The following LRP1B variants were observed in gnomAD, a reference collection of about 807,000 sequenced individuals.
The protein encoded by LRP1B is LDL receptor related protein 1B.
Under a neutral mutation model 556.6 loss-of-function variants are expected in LRP1B, and 217 were observed. That is an observed-to-expected ratio of 0.39 (90% CI 0.35 to 0.44). LRP1B has a LOEUF of 0.44. Among genes scored for constraint, LRP1B ranks in the 20% least tolerant of loss-of-function variants. The pLI, the probability that LRP1B is intolerant of heterozygous loss-of-function variation, is 1.00. For missense variants in LRP1B, 5,053 were observed against 5,620.8 expected (o/e 0.90, Z 3.23); for synonymous variants, 2,047 against 1,865.8 (o/e 1.10, Z -2.50).
chr2:141,868,504 C>T (rs1226465116), intron 1 of LRP1B, among the ~76,000 whole-genome samples: 2 of 151,976 alleles, frequency 1.3e-5, no homozygotes, highest in East Asian at 1.9e-4. Context: ...TTGCCCATTG[C>T]GGTAACAGAC....
At chr2:141,716,284 C>A (rs1692582562) in intron 2 of LRP1B, among the ~76,000 whole-genome samples, 1 of 152,200 alleles carries the variant, frequency 6.6e-6, no homozygotes, top group African/African-American at 2.4e-5. Flanking sequence ...ACAGCCACAG[C>A]AGCAAAATTG....
At chr2:141,150,545 A>G (rs1007135936) in intron 7 of LRP1B, among the ~76,000 whole-genome samples, 2 of 152,212 alleles carry the variant, frequency 1.3e-5, no homozygotes, top group Non-Finnish European at 2.9e-5. Context: ...TCAGCAATTT[A>G]TAAGTCCAAT....
intron 7 of LRP1B, among the ~76,000 whole-genome samples, chr2:141,155,003 C>G (rs948320388): frequency 1.3e-5 from 2 of 151,782 alleles, no homozygotes; most frequent in Non-Finnish European, 2.9e-5. Context: ...CATTACTTTG[C>G]CTGTAGCAGT....
intron 1 of LRP1B, among the ~76,000 whole-genome samples, chr2:141,971,568 C>T (rs1483318851): frequency 6.6e-6 from 1 of 151,186 alleles, no homozygotes; most frequent in South Asian, 2.1e-4. Flanking sequence ...GTACGGGCAT[C>T]CAGAGGGATT....
rs1008160738 is a variant in LRP1B, at chr2:140,523,781, G to A, written c.8026+2063C>T. ...TCCCACTTACCATACGCAAAAGAAC[G>A]AAACTGGACTCCTACCTCTTATCAT... is the stretch of plus-strand genomic sequence containing the variant. On this transcript the variant is annotated intron_variant, in intron 49 of 90. Coordinates refer to ENST00000389484, the MANE Select transcript of LRP1B (RefSeq NM_018557.3). Among the ~76,000 whole-genome samples the A allele has an allele frequency of 3.3e-5, 5 of 151,928 alleles. No homozygotes were observed. The South Asian group carries it at 8.3e-4, about 25-fold the overall frequency.
chr2:140,325,222 G>A (rs1680412226), intron 80 of LRP1B, among the ~76,000 whole-genome samples: 1 of 152,016 alleles, frequency 6.6e-6, no homozygotes, highest in Admixed American at 6.6e-5. Flanking sequence ...TAAAAAATAG[G>A]AGCCAGGCAG....
intron 23 of LRP1B, among the ~76,000 whole-genome samples, chr2:140,887,729 A>C (rs1297450747): frequency 6.6e-6 from 1 of 152,210 alleles, no homozygotes; most frequent in Non-Finnish European, 1.5e-5. Context: ...CATCAATACA[A>C]AGAAAAGAAT....
chr2:140,454,557 T>C (rs6747180), intron 62 of LRP1B, among the ~76,000 whole-genome samples: 48,562 of 152,068 alleles, frequency 0.32, 8,262 homozygotes, highest in African/African-American at 0.35. Flanking sequence ...GATTTGTTTG[T>C]TCTGTCTTGC....
intron 55 of LRP1B, among the ~76,000 whole-genome samples, chr2:140,499,427 C>T (rs1462984156): frequency 6.6e-6 from 1 of 151,840 alleles, no homozygotes; most frequent in African/African-American, 2.4e-5. Context: ...AGAACAAACA[C>T]ACACACACAC....
At chr2:140,318,526 TTACC>T (rs1434812500) in intron 82 of LRP1B, among the ~76,000 whole-genome samples, 7 of 152,166 alleles carry the variant, frequency 4.6e-5, no homozygotes, top group African/African-American at 1.4e-4. Flanking sequence ...TTTCATTTTC[TTACC>T]TACCTCAAAG....
At chr2:140,886,862 A>G (rs1693653130) in intron 23 of LRP1B, among the ~76,000 whole-genome samples, 1 of 152,120 alleles carries the variant, frequency 6.6e-6, no homozygotes, top group Admixed American at 6.5e-5. Context: ...GCAGAGTCCA[A>G]AAAAATCATA....
At chr2:140,822,260 A>G (rs1008402508) in intron 31 of LRP1B, among the ~76,000 whole-genome samples, 1 of 152,208 alleles carries the variant, frequency 6.6e-6, no homozygotes, top group African/African-American at 2.4e-5. Context: ...ATCTTAATTG[A>G]GAATATTTAG....
intron 66 of LRP1B, among the ~76,000 whole-genome samples, chr2:140,408,940 C>T (rs752404215): frequency 2.0e-5 from 3 of 151,840 alleles, no homozygotes; most frequent in Non-Finnish European, 2.9e-5. Context: ...AAAGATAGTC[C>T]TATGATAGAG....
At chr2:141,541,967 C>T (rs1363350472) in intron 2 of LRP1B, among the ~76,000 whole-genome samples, 2 of 152,016 alleles carry the variant, frequency 1.3e-5, no homozygotes, top group East Asian at 3.9e-4. Flanking sequence ...TGGCAGGCAT[C>T]ATGGCAAATT....
intron 11 of LRP1B, among the ~76,000 whole-genome samples, chr2:141,026,639 T>C (rs1381952452): frequency 2.0e-5 from 3 of 152,098 alleles, no homozygotes; most frequent in African/African-American, 4.8e-5. Context: ...CAAATGCCTG[T>C]GTGGACTCTA....
At chr2:140,335,504 T>C in intron 78 of LRP1B, 111 bp downstream of exon 78, 1 of 690,234 alleles carries the variant, frequency 1.4e-6, no homozygotes, top group Non-Finnish European at 2.6e-6. Flanking sequence ...TTTAAAAGCA[T>C]GTGACACTAT....
chr2:141,607,423 A>G (rs1651449136), intron 2 of LRP1B, among the ~76,000 whole-genome samples: 1 of 152,132 alleles, frequency 6.6e-6, no homozygotes, highest in South Asian at 2.1e-4. Context: ...GAAGCCACTG[A>G]TCTCTAGTAG....
intron 86 of LRP1B, among the ~76,000 whole-genome samples, chr2:140,249,520 TTTAC>T (rs1273308155): frequency 1.3e-5 from 2 of 151,602 alleles, no homozygotes; most frequent in Non-Finnish European, 3.0e-5. Context: ...TACAGACTAT[TTTAC>T]TTATTATATA....
At chr2:141,982,036 C>G (rs145526135) in intron 1 of LRP1B, among the ~76,000 whole-genome samples, 12 of 152,134 alleles carry the variant, frequency 7.9e-5, no homozygotes, top group Non-Finnish European at 1.8e-4. Flanking sequence ...TAGACTATCA[C>G]TGACCAAGTA....
Sources: gnomAD v4.1 joint callset for allele counts (sites outside exome capture counted in the v4.1 genomes callset) on GRCh38, gnomAD v4.1.1 for gene constraint, MANE v1.5 for transcripts, NCBI Gene and HGNC (gene_info 2026-07-23, HGNC 2026-07-21) for gene names.